GRID1: variants seen among roughly 807,000 people sequenced by gnomAD.
GRID1 encodes the protein glutamate receptor ionotropic, delta-1.
Under a neutral mutation model 98.0 loss-of-function variants are expected in GRID1, and 28 were observed. The ratio of observed to expected loss-of-function variants is 0.29; its 90% CI spans 0.21 to 0.39. The LOEUF (loss-of-function observed/expected upper bound fraction) is 0.39, where lower values mean the gene tolerates loss of function less well. Ranked by LOEUF, GRID1 falls within the 10% of genes least tolerant of loss-of-function variation. GRID1 has a pLI of 1.00. For missense variants in GRID1, 1,111 were observed against 1,340.5 expected (o/e 0.83, Z 2.67); for synonymous variants, 553 against 538.5 (o/e 1.03, Z -0.37).
At chr10:86,066,099 G>A (rs1287972759) in intron 4 of GRID1, among the ~76,000 whole-genome samples, 1 of 152,164 alleles carries the variant, frequency 6.6e-6, no homozygotes, top group Admixed American at 6.5e-5. Flanking sequence ...GATTAAAGAG[G>A]GGGAAGAGCG....
In GRID1 at chr10:85,879,566, A is replaced by G. The variant is rs558854441; in HGVS notation, c.781-10386T>C. Among the ~76,000 whole-genome samples the G allele has an allele frequency of 5.9e-3, 894 of 152,338 alleles. 8 individuals are homozygous for G. Among genetic ancestry groups the G allele is most frequent in the African/African-American group, 0.02 (847 of 41,558 alleles). On this transcript the variant is annotated intron_variant, in intron 5 of 15. Transcript: ENST00000327946. ...AAGGCAGAAATAAAGATGTTCTTTG[A>G]AACCAACGAGAACAAAGACAAAACA...
chr10:85,634,249 C>CCTCTCTCTCTCTCT (rs775506130), intron 13 of GRID1, among the ~76,000 whole-genome samples: 1,524 of 92,036 alleles, frequency 0.017, 40 homozygotes, highest in East Asian at 0.044. Flanking sequence ...TGATGGGGCA[C>CCTCTCTCTCTCTCT]CTCTCTCTCT....
chr10:85,908,216 A>T (rs2131819814), intron 5 of GRID1, among the ~76,000 whole-genome samples: 1 of 152,314 alleles, frequency 6.6e-6, no homozygotes, highest in South Asian at 2.1e-4. Flanking sequence ...AGGTATCCAG[A>T]TGGAAAGGAA....
intron 2 of GRID1, among the ~76,000 whole-genome samples, chr10:86,210,382 A>C (rs139991643): frequency 1.3e-5 from 2 of 152,274 alleles, no homozygotes; most frequent in Non-Finnish European, 2.9e-5. Context: ...TCCCTTTCTC[A>C]GCCTCCATTT....
At chr10:85,896,026 T>C (rs34212428) in intron 5 of GRID1, among the ~76,000 whole-genome samples, 21,602 of 151,528 alleles carry the variant, frequency 0.14, 1,535 homozygotes, top group Middle Eastern at 0.2. Flanking sequence ...CCATTGAAAG[T>C]TCAACATAAG....
intron 4 of GRID1, among the ~76,000 whole-genome samples, chr10:86,119,612 T>A (rs1328164266): frequency 6.6e-6 from 1 of 152,172 alleles, no homozygotes; most frequent in Non-Finnish European, 1.5e-5. Flanking sequence ...TCCTCCCCAA[T>A]TATCCCTTCC....
intron 6 of GRID1, among the ~76,000 whole-genome samples, chr10:85,868,290 G>A (rs1843241892): frequency 6.6e-6 from 1 of 152,132 alleles, no homozygotes; most frequent in Admixed American, 6.6e-5. Flanking sequence ...TGGATTTGAG[G>A]CTGCCAGTGG....
At chr10:85,866,780 A>G (rs1691641705) in intron 6 of GRID1, among the ~76,000 whole-genome samples, 1 of 152,204 alleles carries the variant, frequency 6.6e-6, no homozygotes, top group South Asian at 2.1e-4. Flanking sequence ...ATAATGAAAT[A>G]ATTGGCTAGT....
At chr10:85,781,349 C>T (rs1032456310) in intron 8 of GRID1, among the ~76,000 whole-genome samples, 2 of 152,196 alleles carry the variant, frequency 1.3e-5, no homozygotes, top group East Asian at 1.9e-4. Flanking sequence ...GACATCTCTG[C>T]GTGCTCCCAC....
chr10:86,010,692 C>A (rs1431521457), intron 4 of GRID1, among the ~76,000 whole-genome samples: 1 of 151,788 alleles, frequency 6.6e-6, no homozygotes. Flanking sequence ...GTGGTGTGCA[C>A]CTGTAGTCCC....
At chr10:85,748,752 C>A (rs965227315) in intron 8 of GRID1, among the ~76,000 whole-genome samples, 2 of 152,092 alleles carry the variant, frequency 1.3e-5, no homozygotes, top group African/African-American at 4.8e-5. Context: ...ACTGAAATGG[C>A]CAGGCTCCAG....
intron 4 of GRID1, among the ~76,000 whole-genome samples, chr10:85,999,825 T>C (rs951297394): frequency 6.6e-6 from 1 of 152,202 alleles, no homozygotes; most frequent in Non-Finnish European, 1.5e-5. Context: ...CTTCCTCAAC[T>C]TGATAAAAGG....
At chr10:86,329,740 C>A (rs1481813304) in intron 2 of GRID1, among the ~76,000 whole-genome samples, 1 of 152,154 alleles carries the variant, frequency 6.6e-6, no homozygotes, top group Non-Finnish European at 1.5e-5. Flanking sequence ...ATTGGCCTGC[C>A]AGTCTACCCC....
At chr10:85,790,799 G>A (rs544918209) in intron 8 of GRID1, among the ~76,000 whole-genome samples, 8 of 152,270 alleles carry the variant, frequency 5.3e-5, no homozygotes, top group African/African-American at 1.4e-4. Context: ...TCAACCACCC[G>A]CTCCTCACAA....
At chr10:86,124,500 T>G (rs907330320) in intron 4 of GRID1, among the ~76,000 whole-genome samples, 2 of 152,192 alleles carry the variant, frequency 1.3e-5, no homozygotes, top group Non-Finnish European at 2.9e-5. Flanking sequence ...AAACGCCTAC[T>G]TCTTGGCATC....
chr10:85,993,855 G>A (rs1314311471), intron 4 of GRID1, among the ~76,000 whole-genome samples: 2 of 152,022 alleles, frequency 1.3e-5, no homozygotes, highest in Non-Finnish European at 2.9e-5. Flanking sequence ...CAAAATCAAA[G>A]CCAGGGACCC....
At chr10:86,233,849 C>A (rs577277354) in intron 2 of GRID1, among the ~76,000 whole-genome samples, 1 of 151,532 alleles carries the variant, frequency 6.6e-6, no homozygotes, top group Non-Finnish European at 1.5e-5. Flanking sequence ...CTGCTGTGGA[C>A]GGCATGGCCA....
At chr10:86,363,840 G>T in intron 2 of GRID1, 101 bp downstream of exon 2, 1 of 993,002 alleles carries the variant, frequency 1.0e-6, no homozygotes, top group Non-Finnish European at 1.5e-6. Flanking sequence ...GGAACAGAGG[G>T]TGCCCTGCGC....
At chr10:86,196,414 T>A (rs1845873481) in intron 3 of GRID1, among the ~76,000 whole-genome samples, 1 of 151,976 alleles carries the variant, frequency 6.6e-6, no homozygotes. Context: ...AATCCATCAC[T>A]TCATTTCATT....
Sources: gnomAD v4.1 joint callset for allele counts (sites outside exome capture counted in the v4.1 genomes callset) on GRCh38, gnomAD v4.1.1 for gene constraint, MANE v1.5 for transcripts, NCBI Gene and HGNC (gene_info 2026-07-23, HGNC 2026-07-21) for gene names.